Variants in TRIP4 observed in about 807,000 individuals in gnomAD.
The protein encoded by TRIP4 is thyroid hormone receptor interactor 4.
Under a neutral mutation model 81.8 loss-of-function variants are expected in TRIP4, and 54 were observed. The observed-to-expected ratio is 0.66, with a 90% CI of 0.53 to 0.83. The LOEUF is 0.83. TRIP4 is among the 40% of genes least tolerant of loss of function. The pLI is 0.00. For synonymous variants in TRIP4, 270 were observed against 242.8 expected (o/e 1.11, Z -1.04); for missense variants, 662 against 683.6 (o/e 0.97, Z 0.35).
chr15:64,426,331 T>C (rs1892143781), intron 11 of TRIP4, among the ~76,000 whole-genome samples: 1 of 152,122 alleles, frequency 6.6e-6, no homozygotes, highest in Non-Finnish European at 1.5e-5. Context: ...GAGGTATGTG[T>C]ATTTATGTAT....
rs1332230131 is a variant in TRIP4, at chr15:64,409,841, C to T, written c.1043+13C>T. On this transcript the variant is annotated intron_variant, in intron 7 of 12. Coordinates refer to ENST00000261884, the MANE Select transcript of TRIP4 (RefSeq NM_016213.5). ...AGTATCATAGCAGGTAAGTGAGCAG[C>T]ACTAGAAAGGGTCTCAAAGAAGGAA... 1.9e-6 allele frequency: 3 copies of T among 1,608,710 alleles called. No individual in the cohort carries two copies. Among genetic ancestry groups the T allele is most frequent in the South Asian group, 1.1e-5 (1 of 91,000 alleles).
intron 11 of TRIP4, among the ~76,000 whole-genome samples, chr15:64,442,550 G>T (rs1419801369): frequency 1.3e-5 from 2 of 151,546 alleles, no homozygotes; most frequent in African/African-American, 4.9e-5. Flanking sequence ...CTCCCAAAGT[G>T]CTGGGATTAG....
chr15:64,390,537 A>G (rs7497513), intron 1 of TRIP4, among the ~76,000 whole-genome samples: 127,009 of 151,974 alleles, frequency 0.84, 55,311 homozygotes, highest in East Asian at 0.96. Context: ...AGAATGATAG[A>G]TGTAGTCTTC....
chr15:64,429,297 A>G (rs1028122303), intron 11 of TRIP4, among the ~76,000 whole-genome samples: 1 of 152,138 alleles, frequency 6.6e-6, no homozygotes, highest in Non-Finnish European at 1.5e-5. Context: ...AGCCTGAGTG[A>G]CAAGAGCAAA....
In TRIP4 at chr15:64,406,592, A is replaced by G. The variant is rs982177053; in HGVS notation, c.827+133A>G. 1.0e-5 allele frequency: 11 copies of G among 1,064,224 alleles called. No individual in the cohort carries two copies. The African/African-American group carries it at 1.4e-4, about 14-fold the overall frequency. The allele number at this position is 1,064,224 out of a possible 1,614,324, so 65.9% of individuals were successfully genotyped here. On this transcript the variant is annotated intron_variant, in intron 6 of 12. Transcript: ENST00000261884. ...TAGCAAAAGAAGAGCCAGATGCTCT[A>G]CATAGGAGGCCTACATCTTGTTTTT... is the stretch of plus-strand genomic sequence containing the variant.
intron 3 of TRIP4, 82 bp downstream of exon 3, chr15:64,395,613 A>G: frequency 6.8e-7 from 1 of 1,467,786 alleles, no homozygotes; most frequent in Admixed American, 2.2e-5. Context: ...AAAGTGTACA[A>G]ATTGGTCTAG....
chr15:64,433,499 G>A (rs982438353), intron 11 of TRIP4, among the ~76,000 whole-genome samples: 2 of 152,174 alleles, frequency 1.3e-5, no homozygotes, highest in Non-Finnish European at 2.9e-5. Flanking sequence ...AGCCACTTGG[G>A]AGGCTGAGGC....
intron 1 of TRIP4, among the ~76,000 whole-genome samples, chr15:64,390,386 G>T (rs139414474): frequency 1.3e-5 from 2 of 150,554 alleles, no homozygotes; most frequent in South Asian, 4.2e-4. Context: ...CCCTTGAACC[G>T]CGGGGCAGAG....
At chr15:64,435,820 C>CT (rs980073223) in intron 11 of TRIP4, among the ~76,000 whole-genome samples, 2 of 34,292 alleles carry the variant, frequency 5.8e-5, no homozygotes, top group Admixed American at 5.6e-4. Flanking sequence ...AAGGAAGCTT[C>CT]TTAAAAAAAA....
At chr15:64,433,781 A>T (rs962700857) in intron 11 of TRIP4, among the ~76,000 whole-genome samples, 1 of 152,204 alleles carries the variant, frequency 6.6e-6, no homozygotes, top group Non-Finnish European at 1.5e-5. Context: ...AAACCAGTTC[A>T]TTGAAAGAAG....
intron 12 of TRIP4, among the ~76,000 whole-genome samples, chr15:64,449,133 G>T (rs1464123607): frequency 6.6e-6 from 1 of 151,674 alleles, no homozygotes; most frequent in African/African-American, 2.4e-5. Context: ...TATTGCTTGA[G>T]CCCAGGAGTT....
chr15:64,397,162 G>T (rs1900319734), intron 3 of TRIP4, among the ~76,000 whole-genome samples: 1 of 151,840 alleles, frequency 6.6e-6, no homozygotes, highest in African/African-American at 2.4e-5. Context: ...TTTTTCTATT[G>T]TATTATCTGT....
At chr15:64,396,287 T>G (rs1276889163) in intron 3 of TRIP4, among the ~76,000 whole-genome samples, 1 of 60,976 alleles carries the variant, frequency 1.6e-5, no homozygotes, top group Non-Finnish European at 4.3e-5. Context: ...TTTTTTTTTT[T>G]TTTTTTTGAG....
intron 4 of TRIP4, among the ~76,000 whole-genome samples, chr15:64,398,441 A>G (rs947400033): frequency 6.6e-6 from 1 of 151,384 alleles, no homozygotes; most frequent in African/African-American, 2.4e-5. Flanking sequence ...AAAAAAAAAA[A>G]AAAAAAAAAG....
At position 64,388,032 on chromosome 15, in the gene TRIP4, G is replaced by T. The variant is rs919962543; in HGVS notation, c.101+68G>T. On this transcript the variant is annotated intron_variant, in intron 1 of 12. Transcript: ENST00000261884. ...GTGCACTGCCTGAGCGAACCGGGAA[G>T]CGGGGAGGACTGAAAAGTTAAGAGA... The T allele has an allele frequency of 4.7e-6, 7 of 1,476,338 alleles. No individual in the cohort carries two copies. The Admixed American group carries it at 1.4e-4, about 30-fold the overall frequency. The allele number at this position is 1,476,338 out of a possible 1,614,324, so 91.5% of individuals were successfully genotyped here. A position where few individuals can be genotyped will look rare whatever the true frequency, so the allele number is the denominator to read the frequency against.
chr15:64,393,596 G>A (rs543490697), intron 1 of TRIP4: 1 of 158,506 alleles, frequency 6.3e-6, no homozygotes, highest in South Asian at 2.1e-4. Context: ...CCAGAAATAA[G>A]CACTGTTTCT....
intron 5 of TRIP4, among the ~76,000 whole-genome samples, chr15:64,405,893 G>C (rs1032193431): frequency 6.6e-6 from 1 of 152,172 alleles, no homozygotes; most frequent in African/African-American, 2.4e-5. Context: ...TCAGGAAGCT[G>C]AGGTGGAAGG....
intron 8 of TRIP4, among the ~76,000 whole-genome samples, chr15:64,417,755 G>A (rs184616679): frequency 7.4e-4 from 112 of 152,292 alleles, no homozygotes; most frequent in African/African-American, 2.5e-3. Flanking sequence ...CAGAACTGCT[G>A]CCTCTGACCT....
rs1892854424 is a variant in TRIP4 at position 64,455,027 on chromosome 15, C to T, written c.1709C>T (p.Ala570Val). The change falls in exon 13 of 13, where the codon GCA becomes GTA. Residue 570 changes from alanine to valine, a missense_variant. By Grantham distance (64) the Ala-to-Val change is moderately conservative. Coordinates refer to ENST00000261884, the MANE Select transcript of TRIP4 (RefSeq NM_016213.5). ...WKLDSKIHQG[A>V]KKGLMKQNKA... ...TTGGATTCCAAGATCCATCAAGGAG[C>T]AAAGAAGGGGTTAATGAAGCAGAAT... 1 of 1,613,930 alleles carries T rather than the reference C, an allele frequency of 6.2e-7. No individual in the cohort carries two copies. Among genetic ancestry groups the T allele is most frequent in the East Asian group, 2.2e-5 (1 of 44,836 alleles).
Sources: gnomAD v4.1 joint callset for allele counts (sites outside exome capture counted in the v4.1 genomes callset) on GRCh38, gnomAD v4.1.1 for gene constraint, MANE v1.5 for transcripts, NCBI Gene and HGNC (gene_info 2026-07-23, HGNC 2026-07-21) for gene names.